RYR3: variants seen among roughly 807,000 people sequenced by gnomAD.
RYR3 encodes the protein ryanodine receptor 3.
A neutral mutation model predicts 584.3 loss-of-function variants in RYR3; 207 were observed. That is an observed-to-expected ratio of 0.35 (90% CI 0.32 to 0.40). RYR3 has a LOEUF of 0.40. Among genes scored for constraint, RYR3 ranks in the 10% least tolerant of loss-of-function variants. The pLI, the probability that RYR3 is intolerant of heterozygous loss-of-function variation, is 1.00. For synonymous variants in RYR3, 2,416 were observed against 2,248.5 expected, an observed-to-expected ratio of 1.07 and a Z score of -2.11; for missense variants, 5,616 against 6,089.2, an observed-to-expected ratio of 0.92 and a Z score of 2.59.
At chr15:33,590,823 C>T (rs614928) in intron 16 of RYR3, among the ~76,000 whole-genome samples, 104,919 of 151,986 alleles carry the variant, frequency 0.69, 36,771 homozygotes, top group African/African-American at 0.83. Flanking sequence ...AAAAATTCTT[C>T]CTGTACCTTG....
chr15:33,414,589 C>T (rs1038019350), intron 1 of RYR3, among the ~76,000 whole-genome samples: 1 of 152,066 alleles, frequency 6.6e-6, no homozygotes, highest in Admixed American at 6.6e-5. Flanking sequence ...CTGAGAGGCA[C>T]CTTGAAGTTT....
chr15:33,829,485 G>T (rs529645491), intron 85 of RYR3, among the ~76,000 whole-genome samples: 6 of 152,038 alleles, frequency 3.9e-5, no homozygotes, highest in Admixed American at 2.0e-4. Flanking sequence ...CCAGTGGCTC[G>T]CATCTGTAAT....
At chr15:33,569,022 G>C (rs947958852) in intron 12 of RYR3, among the ~76,000 whole-genome samples, 2 of 151,792 alleles carry the variant, frequency 1.3e-5, no homozygotes. Context: ...GAGTATTCTT[G>C]TGTGTGTGTG....
At chr15:33,462,350 T>G (rs2048107532) in intron 1 of RYR3, among the ~76,000 whole-genome samples, 1 of 152,170 alleles carries the variant, frequency 6.6e-6, no homozygotes, top group African/African-American at 2.4e-5. Flanking sequence ...AGTATTTTAG[T>G]TTTGTTTACT....
At chr15:33,489,382 C>G (rs2050774517) in intron 2 of RYR3, among the ~76,000 whole-genome samples, 1 of 152,072 alleles carries the variant, frequency 6.6e-6, no homozygotes, top group Admixed American at 6.6e-5. Context: ...TCAAGTAGAC[C>G]CATGTCTGTT....
At chr15:33,523,225 A>T (rs1318929573) in intron 3 of RYR3, among the ~76,000 whole-genome samples, 2 of 152,138 alleles carry the variant, frequency 1.3e-5, no homozygotes, top group Non-Finnish European at 1.5e-5. Flanking sequence ...AGGGCCAAAT[A>T]AGGGAATAAA....
At chr15:33,846,492 T>C (rs969314326) in intron 93 of RYR3, among the ~76,000 whole-genome samples, 2 of 152,194 alleles carry the variant, frequency 1.3e-5, no homozygotes, top group Non-Finnish European at 2.9e-5. Flanking sequence ...TCTCACTGCT[T>C]TTCTCATTAC....
At chr15:33,858,833 T>A (rs2080011741) in intron 99 of RYR3, 1 of 152,218 alleles carries the variant, frequency 6.6e-6, no homozygotes, top group Non-Finnish European at 1.5e-5. Flanking sequence ...GACAGTGAAA[T>A]GCCCAGTCTG....
intron 69 of RYR3, among the ~76,000 whole-genome samples, chr15:33,805,727 T>C (rs34835557): frequency 7.5e-5 from 2 of 26,492 alleles, no homozygotes; most frequent in East Asian, 1.8e-3. Flanking sequence ...TCCGCCCGCC[T>C]CGGCCTCCCA....
chr15:33,333,402 A>G (rs1363352094), intron 1 of RYR3, among the ~76,000 whole-genome samples: 1 of 152,216 alleles, frequency 6.6e-6, no homozygotes, highest in Non-Finnish European at 1.5e-5. Context: ...AATGCAAATC[A>G]ATAAATGTGA....
Position 33,636,513 on chromosome 15 carries a change from C to G in RYR3, c.3519C>G (p.Gly1173=), listed in dbSNP as rs1392693983. 6.2e-7 allele frequency: 1 copy of G among 1,608,900 alleles called. No homozygotes were observed. The highest frequency in any genetic ancestry group is 1.7e-5 in the Admixed American group (1 of 59,084). The change falls in exon 27 of 104, where the codon GGC becomes GGG. Residue 1173 remains glycine (G), a synonymous_variant. Transcript: ENST00000634891. ...GGGAGCTGCTGATCACCAACAAAGG[C>G]TCTGAACTTGCCTTCGCTGACTACG... The part of the protein sequence containing the change: ...LNGELLITNK[G]SELAFADYEI...
intron 38 of RYR3, among the ~76,000 whole-genome samples, chr15:33,673,925 T>C (rs982170922): frequency 6.6e-6 from 1 of 152,120 alleles, no homozygotes; most frequent in African/African-American, 2.4e-5. Context: ...CTGAAGGAGG[T>C]GAACATCCCT....
At chr15:33,394,857 TGAATG>T (rs2042207528) in intron 1 of RYR3, among the ~76,000 whole-genome samples, 1 of 151,984 alleles carries the variant, frequency 6.6e-6, no homozygotes, top group Non-Finnish European at 1.5e-5. Flanking sequence ...TTCTGAGAGA[TGAATG>T]GAAATAAATT....
chr15:33,818,475 ATGCACTCTGTGCCT>A (rs1324006537), intron 75 of RYR3, 89 bp from the exon 76 acceptor site: 1 of 774,282 alleles, frequency 1.3e-6, no homozygotes, highest in African/African-American at 1.7e-5. Context: ...CTTTAGTCTG[ATGCACTCTGTGCCT>A]TGCGCTTTAC....
At chr15:33,520,853 A>T (rs8026677) in intron 3 of RYR3, among the ~76,000 whole-genome samples, 88,881 of 151,958 alleles carry the variant, frequency 0.58, 26,424 homozygotes, top group East Asian at 0.72. Flanking sequence ...CCTCAATGGA[A>T]AATGCTCATC....
chr15:33,798,235 C>T (rs557094098), intron 67 of RYR3, among the ~76,000 whole-genome samples: 1 of 152,156 alleles, frequency 6.6e-6, no homozygotes, highest in South Asian at 2.1e-4. Context: ...ATTATAGGTG[C>T]CCACCACCAT....
chr15:33,848,554 C>T, intron 94 of RYR3, 133 bp downstream of exon 94: 1 of 1,003,924 alleles, frequency 1.0e-6, no homozygotes, highest in Non-Finnish European at 1.4e-6. Context: ...TCCCTTGCCT[C>T]TTCAATAAAG....
intron 87 of RYR3, among the ~76,000 whole-genome samples, chr15:33,836,010 A>G (rs1034575381): frequency 6.6e-6 from 1 of 151,860 alleles, no homozygotes; most frequent in Non-Finnish European, 1.5e-5. Context: ...GATATCCTAC[A>G]CTTCTGTGAT....
rs369845380 is a variant in RYR3 at position 33,311,021 on chromosome 15, G to A, written c.-25G>A. On this transcript the variant is annotated 5_prime_UTR_variant, in exon 1 of 104. Transcript: ENST00000634891. This position sits in a 1 kb window ranked among gnomAD's most constrained non-coding sequence, Gnocchi z 4.4. The stretch of plus-strand genomic sequence containing the variant: ...GGGGAAGCAGAGGCGCCGGAGGCTG[G>A]GGCACCGCCGACGCCTCGGGAGCCA... 4.8e-5 allele frequency: 75 copies of A among 1,567,706 alleles called. No homozygotes were observed. Among genetic ancestry groups the A allele is most frequent in the Non-Finnish European group, 6.1e-5 (71 of 1,157,716 alleles).
Sources: gnomAD v4.1 joint callset for allele counts (sites outside exome capture counted in the v4.1 genomes callset) on GRCh38, gnomAD v4.1.1 for gene constraint, Gnocchi (gnomAD v3.1) non-coding constraint, MANE v1.5 for transcripts, NCBI Gene and HGNC (gene_info 2026-07-23, HGNC 2026-07-21) for gene names.